USP12: variants seen among roughly 807,000 people sequenced by gnomAD.
USP12 encodes ubiquitin carboxyl-terminal hydrolase 12.
Under a neutral mutation model 45.5 loss-of-function variants are expected in USP12, and 19 were observed. That is an observed-to-expected ratio of 0.42 (90% CI 0.29 to 0.61). The LOEUF is 0.61. Among genes scored for constraint, USP12 ranks in the 20% least tolerant of loss-of-function variants. USP12 has a pLI of 0.22. For missense variants in USP12, 242 were observed against 447.7 expected (o/e 0.54, Z 4.15); for synonymous variants, 149 against 148.8 (o/e 1.00, Z -0.01).
At chr13:27,071,018 A>T in intron 8 of USP12, 53 bp downstream of exon 8, 1 of 1,458,972 alleles carries the variant, frequency 6.9e-7, no homozygotes, top group South Asian at 1.2e-5. Context: ...AAAAAAGTGA[A>T]AAGCAACATA....
At chr13:27,094,464 T>G (rs1472613420) in intron 4 of USP12, among the ~76,000 whole-genome samples, 1 of 152,024 alleles carries the variant, frequency 6.6e-6, no homozygotes, top group Non-Finnish European at 1.5e-5. Context: ...ACAGTGTCAC[T>G]GCACTAAAGC....
chr13:27,070,639 C>T (rs879864241), intron 8 of USP12, among the ~76,000 whole-genome samples: 8 of 151,894 alleles, frequency 5.3e-5, no homozygotes, highest in Non-Finnish European at 1.0e-4. Flanking sequence ...CCACAACCTC[C>T]GCCTCCCGGG....
intron 1 of USP12, chr13:27,117,840 G>A (rs111891834): frequency 7.0e-5 from 36 of 517,920 alleles, no homozygotes; most frequent in African/African-American, 2.3e-4. Context: ...GGTCCCCGAC[G>A]ACCATGTGAA....
chr13:27,070,939 A>G lies in USP12; in HGVS notation c.1011+132T>C, dbSNP rs148430485. On this transcript the variant is annotated intron_variant, in intron 8 of 8. Transcript: ENST00000282344. The stretch of plus-strand genomic sequence containing the variant: ...TTGCAGAGTAAGAAGTAGGAATTAG[A>G]CTACAATCTATAGACCCAGACATTT... 557 of 721,184 alleles carry G rather than the reference A, an allele frequency of 7.7e-4. 8 individuals are homozygous for G. In the East Asian group the frequency reaches 0.016, roughly 20 times the overall value. The allele number at this position is 721,184 out of a possible 1,614,324, so 44.7% of individuals were successfully genotyped here.
chr13:27,117,108 AAAAG>A (rs759738089), intron 1 of USP12, among the ~76,000 whole-genome samples: 1 of 152,238 alleles, frequency 6.6e-6, no homozygotes, highest in Non-Finnish European at 1.5e-5. Context: ...GAAAAAGGAG[AAAAG>A]AAAGAATGAT....
At chr13:27,145,242 T>G (rs1217663086) in intron 1 of USP12, among the ~76,000 whole-genome samples, 10 of 152,200 alleles carry the variant, frequency 6.6e-5, no homozygotes, top group Non-Finnish European at 5.9e-5. Flanking sequence ...GCCAAAAACA[T>G]GAAATTCTGG....
chr13:27,069,236 C>T lies in USP12; in HGVS notation c.*47G>A, dbSNP rs1593167381. On this transcript the variant is annotated 3_prime_UTR_variant, in exon 9 of 9. Transcript: ENST00000282344. ...CAGTGCTTGATCCTTTCCAAAATAACCAGAGAAGAAATGAGGCAGAAAGTG... is the reference window on the plus strand; with the variant it reads ...CAGTGCTTGATCCTTTCCAAAATAATCAGAGAAGAAATGAGGCAGAAAGTG... 6.7e-7 allele frequency: 1 copy of T among 1,501,442 alleles called. No homozygotes were observed. The highest frequency in any genetic ancestry group is 1.4e-5 in the African/African-American group (1 of 72,624). The allele number at this position is 1,501,442 out of a possible 1,614,324, so 93.0% of individuals were successfully genotyped here.
chr13:27,085,370 G>A (rs879480698), intron 6 of USP12, among the ~76,000 whole-genome samples: 9 of 151,962 alleles, frequency 5.9e-5, no homozygotes, highest in South Asian at 2.1e-4. Context: ...CAGTAGAGAC[G>A]GGGTTTTAGC....
intron 1 of USP12, among the ~76,000 whole-genome samples, chr13:27,154,017 C>G (rs760453687): frequency 2.0e-5 from 3 of 152,196 alleles, no homozygotes; most frequent in Non-Finnish European, 4.4e-5. Context: ...AGAGCTTCTT[C>G]TGATACTATC....
intron 1 of USP12, among the ~76,000 whole-genome samples, chr13:27,147,368 AAT>A (rs1312389535): frequency 1.3e-5 from 2 of 152,206 alleles, no homozygotes; most frequent in Admixed American, 6.5e-5. Flanking sequence ...GAATGCTTGT[AAT>A]ATTTAAGTAT....
At chr13:27,115,246 GC>G (rs1308232088) in intron 2 of USP12, among the ~76,000 whole-genome samples, 1 of 152,104 alleles carries the variant, frequency 6.6e-6, no homozygotes, top group Non-Finnish European at 1.5e-5. Flanking sequence ...TAACTGAAAT[GC>G]TGTTTTTTAA....
At chr13:27,112,455 ATTTT>A (rs61084865) in intron 2 of USP12, among the ~76,000 whole-genome samples, 1 of 142,440 alleles carries the variant, frequency 7.0e-6, no homozygotes, top group African/African-American at 2.6e-5. Context: ...TGCTCCCAGC[ATTTT>A]TTTTTTTTTA....
chr13:27,170,199 A>G (rs923125823), intron 1 of USP12: 1 of 397,746 alleles, frequency 2.5e-6, no homozygotes, highest in African/African-American at 2.1e-5. Context: ...TCAATGATTC[A>G]TCCTTCAATA....
intron 1 of USP12, among the ~76,000 whole-genome samples, chr13:27,127,122 A>G (rs1327569211): frequency 6.6e-6 from 1 of 152,346 alleles, no homozygotes; most frequent in South Asian, 2.1e-4. Flanking sequence ...AAAACAAAAA[A>G]CAAGCTTTTG....
intron 1 of USP12, among the ~76,000 whole-genome samples, chr13:27,154,569 A>G (rs1413828392): frequency 1.3e-5 from 2 of 152,138 alleles, no homozygotes; most frequent in Non-Finnish European, 2.9e-5. Context: ...CTTCTTTCCA[A>G]TATTTCACCA....
intron 4 of USP12, among the ~76,000 whole-genome samples, chr13:27,092,054 C>A (rs1383834540): frequency 6.6e-6 from 1 of 152,174 alleles, no homozygotes; most frequent in East Asian, 1.9e-4. Context: ...ATAGGAGTAT[C>A]TTGTGATCAG....
chr13:27,156,438 C>G (rs186451072), intron 1 of USP12, among the ~76,000 whole-genome samples: 3 of 152,128 alleles, frequency 2.0e-5, no homozygotes, highest in Non-Finnish European at 1.5e-5. Flanking sequence ...AGTGACGAAA[C>G]GCAACGATGA....
intron 3 of USP12, among the ~76,000 whole-genome samples, chr13:27,100,785 C>G (rs972650619): frequency 4.6e-5 from 7 of 152,060 alleles, no homozygotes; most frequent in Admixed American, 3.9e-4. Context: ...CTGGAAAAGT[C>G]CTAGAGGAAT....
At chr13:27,086,727 T>C (rs1463757931) in intron 6 of USP12, among the ~76,000 whole-genome samples, 4 of 152,144 alleles carry the variant, frequency 2.6e-5, no homozygotes, top group African/African-American at 9.7e-5. Context: ...AGTCTGAAAG[T>C]TGTATTTCTC....
Sources: allele counts gnomAD v4.1 joint callset (sites outside exome capture counted in the v4.1 genomes callset), GRCh38; gene constraint gnomAD v4.1.1; transcripts MANE v1.5; gene names NCBI Gene and HGNC (gene_info 2026-07-23, HGNC 2026-07-21).